The following TBC1D14 variants were observed in gnomAD, a reference collection of about 807,000 sequenced individuals.
The protein encoded by TBC1D14 is TBC1 domain family member 14.
In TBC1D14, 26 loss-of-function variants were observed where a neutral mutation model predicts 79.0. That is an observed-to-expected ratio of 0.33 (90% CI 0.24 to 0.46). The LOEUF is 0.46. Among genes scored for constraint, TBC1D14 ranks in the 20% least tolerant of loss-of-function variants. The pLI, the probability that TBC1D14 is intolerant of heterozygous loss-of-function variation, is 1.00. For missense variants in TBC1D14, 769 were observed against 887.6 expected, an observed-to-expected ratio of 0.87 and a Z score of 1.70; for synonymous variants, 394 against 349.9, an observed-to-expected ratio of 1.13 and a Z score of -1.40.
At chr4:6,995,235 T>G (rs556903209) in intron 4 of TBC1D14, 26 of 152,326 alleles carry the variant, frequency 1.7e-4, no homozygotes, top group African/African-American at 6.0e-4. Flanking sequence ...GGTGCACATC[T>G]GTGTATATGT....
chr4:6,926,566 G>T (rs1386475743), intron 2 of TBC1D14, among the ~76,000 whole-genome samples: 2 of 152,188 alleles, frequency 1.3e-5, no homozygotes, highest in African/African-American at 4.8e-5. Context: ...CTACCTTTGG[G>T]AAGATAATGG....
At chr4:7,006,167 G>A (rs748131097) in intron 8 of TBC1D14, among the ~76,000 whole-genome samples, 4 of 152,134 alleles carry the variant, frequency 2.6e-5, no homozygotes, top group South Asian at 2.1e-4. Flanking sequence ...AGACCCTGTC[G>A]CTACAAAAAG....
intron 1 of TBC1D14, among the ~76,000 whole-genome samples, chr4:6,911,158 C>T (rs1304491255): frequency 6.6e-6 from 1 of 152,062 alleles, no homozygotes; most frequent in Non-Finnish European, 1.5e-5. Flanking sequence ...GGTATGGCTT[C>T]CCCCCTCCGA....
chr4:7,029,784 C>T (rs1722859575), intron 13 of TBC1D14, among the ~76,000 whole-genome samples: 1 of 152,166 alleles, frequency 6.6e-6, no homozygotes, highest in Non-Finnish European at 1.5e-5. Context: ...GAGATGGCGC[C>T]ACTCCACTCC....
intron 2 of TBC1D14, among the ~76,000 whole-genome samples, chr4:6,941,790 G>A (rs1194934087): frequency 1.3e-5 from 2 of 152,210 alleles, no homozygotes; most frequent in Non-Finnish European, 2.9e-5. Flanking sequence ...CAGACCTCCT[G>A]TGTTCATGGA....
At chr4:6,999,001 C>A in intron 5 of TBC1D14, 84 bp from the exon 6 acceptor site, 2 of 1,356,746 alleles carry the variant, frequency 1.5e-6, no homozygotes, top group South Asian at 1.2e-5. Flanking sequence ...CTGGTGTGTT[C>A]GCAGTGTGAC....
chr4:7,009,713 T>C (rs1355343521), intron 9 of TBC1D14, among the ~76,000 whole-genome samples, 164 bp from the exon 10 acceptor site: 2 of 152,220 alleles, frequency 1.3e-5, no homozygotes, highest in African/African-American at 4.8e-5. Context: ...ATGGGTAATT[T>C]GTTAAATTCC....
intron 13 of TBC1D14, among the ~76,000 whole-genome samples, chr4:7,028,341 G>A (rs1471205391): frequency 1.3e-5 from 2 of 152,044 alleles, no homozygotes; most frequent in Admixed American, 6.6e-5. Context: ...TTGACCGTAG[G>A]ACATTGTTAT....
At position 6,962,875 on chromosome 4, in the gene TBC1D14, G is replaced by A. The variant is rs777193649; in HGVS notation, c.723-4429G>A. On this transcript the variant is annotated intron_variant, in intron 2 of 13. Coordinates refer to ENST00000409757, the MANE Select transcript of TBC1D14 (RefSeq NM_020773.3). ...TGCATGTCAGTCCTGCCTCCTCATCGCCCTATACTTGCCTCCCCTGCACAC... is the reference window on the plus strand; with the variant it reads ...TGCATGTCAGTCCTGCCTCCTCATCACCCTATACTTGCCTCCCCTGCACAC... Among the ~76,000 whole-genome samples, 14 of 152,066 alleles carry A rather than the reference G, an allele frequency of 9.2e-5. 1 individual carries two copies. Among genetic ancestry groups the A allele is most frequent in the South Asian group, 8.3e-4 (4 of 4,836 alleles).
chr4:6,957,469 G>A (rs552219411), intron 2 of TBC1D14, among the ~76,000 whole-genome samples: 5 of 152,228 alleles, frequency 3.3e-5, no homozygotes, highest in African/African-American at 1.2e-4. Context: ...TCCTTGCTCT[G>A]TAAAGGTGTT....
chr4:7,030,457 C>G lies in TBC1D14; in HGVS notation c.*65C>G. On this transcript the variant is annotated 3_prime_UTR_variant, in exon 14 of 14. Coordinates refer to ENST00000409757, the MANE Select transcript of TBC1D14 (RefSeq NM_020773.3). ...CCATGCCGCGGCCCCTCTGTTGTTT[C>G]AGACTGACACCCGGGCAGCCGAGAA... 6.5e-7 allele frequency: 1 copy of G among 1,541,476 alleles called. No individual in the cohort carries two copies. The highest frequency in any genetic ancestry group is 1.1e-5 in the South Asian group (1 of 89,454).
intron 12 of TBC1D14, among the ~76,000 whole-genome samples, chr4:7,016,609 G>A (rs1000701593): frequency 6.6e-6 from 1 of 152,208 alleles, no homozygotes; most frequent in South Asian, 2.1e-4. Flanking sequence ...AAGGAAATGT[G>A]TTTTAAATTG....
At chr4:6,931,082 A>G (rs1711677317) in intron 2 of TBC1D14, among the ~76,000 whole-genome samples, 1 of 151,934 alleles carries the variant, frequency 6.6e-6, no homozygotes. Context: ...TGTATTTTGA[A>G]TAGAGACAGG....
intron 2 of TBC1D14, among the ~76,000 whole-genome samples, chr4:6,964,164 G>A (rs759584767): frequency 2.6e-5 from 4 of 151,862 alleles, no homozygotes; most frequent in East Asian, 1.9e-4. Flanking sequence ...AGTGTTAGCC[G>A]AGACCTGAAA....
Position 6,923,843 on chromosome 4 carries a change from G to C in TBC1D14, c.454G>C (p.Asp152His). 1 of 1,614,174 alleles carries C rather than the reference G, an allele frequency of 6.2e-7. No individual in the cohort carries two copies. The highest frequency in any genetic ancestry group is 8.5e-7 in the Non-Finnish European group (1 of 1,180,044). The change falls in exon 2 of 14, where the codon GAT (aspartate) becomes CAT (histidine). Residue 152 changes from aspartate to histidine, a missense_variant. This residue lies in a region of TBC1D14 where 402 missense variants were observed against 393.2 expected (regional missense o/e 1.02). Transcript: ENST00000409757. ...SPTSKALTRSDDVSVCSVSSL... is the reference protein window; with the variant it reads ...SPTSKALTRSHDVSVCSVSSL... Reference sequence around the variant, plus strand: ...GACCTCCAAAGCCCTGACCCGCAGCGATGATGTCTCCGTCTGCAGCGTGTC... The same window carrying C: ...GACCTCCAAAGCCCTGACCCGCAGCCATGATGTCTCCGTCTGCAGCGTGTC...
In TBC1D14 at chr4:6,950,803, T is replaced by G. The variant is rs547174687; in HGVS notation, c.723-16501T>G. Among the ~76,000 whole-genome samples the G allele has an allele frequency of 2.6e-5, 4 of 152,380 alleles. No homozygotes were observed. In the East Asian group the frequency reaches 7.7e-4, roughly 29 times the overall value. On this transcript the variant is annotated intron_variant, in intron 2 of 13. Transcript: ENST00000409757. ...TTATACTTTACATTTATCATTGATT[T>G]GATTTGCATATTTTGTTTGGGACTT...
At chr4:7,027,953 C>A (rs1465188936) in intron 13 of TBC1D14, among the ~76,000 whole-genome samples, 2 of 136,686 alleles carry the variant, frequency 1.5e-5, no homozygotes, top group Admixed American at 7.4e-5. Flanking sequence ...ACAGATCACC[C>A]CCCACACACA....
At chr4:6,946,070 T>C (rs1713422694) in intron 2 of TBC1D14, among the ~76,000 whole-genome samples, 1 of 152,148 alleles carries the variant, frequency 6.6e-6, no homozygotes, top group Non-Finnish European at 1.5e-5. Context: ...ATAGGCACTT[T>C]ATCGCACGAT....
chr4:6,987,567 A>T (rs995385924), intron 3 of TBC1D14: 5 of 407,588 alleles, frequency 1.2e-5, no homozygotes, highest in African/African-American at 2.1e-5. Flanking sequence ...CCTCCCTGGT[A>T]CTCTTTGTGT....
Sources: gnomAD v4.1 joint callset for allele counts (sites outside exome capture counted in the v4.1 genomes callset) on GRCh38, gnomAD v4.1.1 for gene constraint, gnomAD v4.1.1 regional missense constraint, MANE v1.5 for transcripts, NCBI Gene and HGNC (gene_info 2026-07-23, HGNC 2026-07-21) for gene names.